The following G6PD variants were observed in gnomAD, a reference collection of about 807,000 sequenced individuals.
G6PD encodes glucose-6-phosphate 1-dehydrogenase.
Under a neutral mutation model 38.2 loss-of-function variants are expected in G6PD, and 2 were observed. The observed-to-expected ratio is 0.05, with a 90% confidence interval of 0.02 to 0.16. The LOEUF is 0.16. Ranked by LOEUF, G6PD falls within the 10% of genes least tolerant of loss-of-function variation. The pLI, the probability that G6PD is intolerant of heterozygous loss-of-function variation, is 1.00. For synonymous variants in G6PD, 188 were observed against 196.0 expected, an observed-to-expected ratio of 0.96 and a Z score of 0.34; for missense variants, 310 against 471.6, an observed-to-expected ratio of 0.66 and a Z score of 3.17.
Position 154,534,463 on chromosome X carries a change from G to A in G6PD, c.519C>T (p.Phe173=), listed in dbSNP as rs200111236. ...GWNRIIVEKP[F]GRDLQSSDRL... ...GGTCAGAGCTCTGCAGGTCCCTCCC[G>A]AAGGGCTTCTCCACGATGATGCGGT... The change falls in exon 6 of 13, where the codon TTC becomes TTT. Residue 173 remains phenylalanine, a synonymous_variant. Transcript: ENST00000393562. The A allele has an allele frequency of 5.7e-5, 69 of 1,210,235 alleles. No individual in the cohort carries two copies. In the East Asian group the frequency reaches 1.8e-3, roughly 32 times the overall value.
rs782275394 is a variant in G6PD at position 154,534,621 on chromosome X, C to A, written c.486-125G>T. ...CAGAACCTCCTCGCCCCCGTGGCCACCTCCCGTGCCTTGTGTTCCCAGATG... is the reference window on the plus strand; with the variant it reads ...CAGAACCTCCTCGCCCCCGTGGCCAACTCCCGTGCCTTGTGTTCCCAGATG... On this transcript the variant is annotated intron_variant, in intron 5 of 12. Transcript: ENST00000393562. 391 of 800,574 alleles carry A rather than the reference C, an allele frequency of 4.9e-4. 1 individual carries two copies. The highest frequency in any genetic ancestry group is 5.2e-4 in the Non-Finnish European group (290 of 560,623). The allele number at this position is 800,574 out of a possible 1,213,427, so 66.0% of individuals were successfully genotyped here.
rs1355739430 is a variant in G6PD, at chrX:154,532,645, C to T, written c.1209G>A (p.Lys403=). The change falls in exon 10 of 13, where the codon AAG becomes AAA. Residue 403 remains lysine (K), a synonymous_variant. Transcript: ENST00000393562. The stretch of plus-strand genomic sequence containing the variant: ...ACATGCCCGGCTTCTTGGTCATCAT[C>T]TTGGTGTACACGGCCTCGTTGGGCT... ...RVQPNEAVYT[K]MMTKKPGMFF... is the part of the protein sequence containing the mutation. The T allele has an allele frequency of 6.6e-6, 8 of 1,211,332 alleles. No homozygotes were observed. The highest frequency in any genetic ancestry group is 3.5e-5 in the South Asian group (2 of 56,936).
rs374078772 is a variant in G6PD, at chrX:154,536,125, G to C, written c.158+16C>G. On this transcript the variant is annotated intron_variant, in intron 3 of 12. Coordinates refer to ENST00000393562, the MANE Select transcript of G6PD (RefSeq NM_001360016.2). ...CCTGGCGGGAGGTCACAGGGGCAGT[G>C]GTGGGACACACTTACCAGATGGTGG... The C allele has an allele frequency of 8.3e-7, 1 of 1,211,020 alleles. No homozygotes were observed. The highest frequency in any genetic ancestry group is 2.2e-5 in the Admixed American group (1 of 46,111).
chrX:154,545,342 T>C (rs1263051131), intron 2 of G6PD, among the ~76,000 whole-genome samples: 1 of 112,069 alleles, frequency 8.9e-6, no homozygotes, highest in African/African-American at 3.2e-5. Context: ...TCGACGGAAC[T>C]TGAAGTGTTA....
At chrX:154,545,863 C>T in intron 2 of G6PD, 173 bp downstream of exon 2, 1 of 490,349 alleles carries the variant, frequency 2.0e-6, no homozygotes, top group East Asian at 3.8e-5. Flanking sequence ...AAAAGTCTTG[C>T]AAGTGCATAT....
At chrX:154,539,646 C>T (rs1225784936) in intron 2 of G6PD, among the ~76,000 whole-genome samples, 1 of 111,150 alleles carries the variant, frequency 9.0e-6, no homozygotes, top group African/African-American at 3.3e-5. Flanking sequence ...GATCTAGGAG[C>T]AGTTTCTGTG....
At chrX:154,538,486 C>T (rs2070436814) in intron 2 of G6PD, among the ~76,000 whole-genome samples, 2 of 112,284 alleles carry the variant, frequency 1.8e-5, no homozygotes, top group Non-Finnish European at 3.8e-5. Context: ...TCTCTGCCTA[C>T]TGCTATGTTT....
intron 4 of G6PD, 35 bp from the exon 5 acceptor site, chrX:154,535,420 T>C: frequency 8.8e-7 from 1 of 1,133,207 alleles, no homozygotes; most frequent in Non-Finnish European, 1.2e-6. Context: ...CACAGACAGA[T>C]GTCAGCCCCT....
chrX:154,532,817 G>A lies in G6PD; in HGVS notation c.1052-15C>T. 2 of 1,207,517 alleles carry A rather than the reference G, an allele frequency of 1.7e-6. No homozygotes were observed. The highest frequency in any genetic ancestry group is 2.2e-6 in the Non-Finnish European group (2 of 892,622). On this transcript the variant is annotated splice_polypyrimidine_tract_variant and intron_variant, in intron 9 of 12. Coordinates refer to ENST00000393562, the MANE Select transcript of G6PD (RefSeq NM_001360016.2). ...GAAGGGCACCCCTACGTGGCGGAAA[G>A]GGCAGCCTCAGCACCAGCTCTCTCA...
intron 2 of G6PD, 50 bp downstream of exon 2, chrX:154,545,986 T>C (rs1229868385): frequency 1.7e-6 from 2 of 1,201,642 alleles, no homozygotes; most frequent in Non-Finnish European, 2.2e-6. Flanking sequence ...AGCTGAGGCA[T>C]GGAGCAGGCA....
At chrX:154,540,395 G>A (rs1235859838) in intron 2 of G6PD, among the ~76,000 whole-genome samples, 1 of 110,546 alleles carries the variant, frequency 9.0e-6, no homozygotes, top group Non-Finnish European at 1.9e-5. Context: ...CTTGAACCTC[G>A]CAGGTGGAGA....
At chrX:154,537,990 G>GTT (rs781988750) in intron 2 of G6PD, among the ~76,000 whole-genome samples, 38 of 91,033 alleles carry the variant, frequency 4.2e-4, no homozygotes, top group East Asian at 6.6e-4. Flanking sequence ...AAATCAGGAG[G>GTT]TTTTTTTTTT....
intron 9 of G6PD, 56 bp downstream of exon 9, chrX:154,532,886 C>T (rs932381749): frequency 5.0e-6 from 6 of 1,206,241 alleles, no homozygotes; most frequent in Non-Finnish European, 4.5e-6. Context: ...AGCTCCAGTG[C>T]CCGCACACAG....
In G6PD at chrX:154,531,946, C is replaced by T. The variant is rs782082882; in HGVS notation, c.*54G>A. On this transcript the variant is annotated 3_prime_UTR_variant, in exon 13 of 13. Coordinates refer to ENST00000393562, the MANE Select transcript of G6PD (RefSeq NM_001360016.2). Reference sequence around the variant, plus strand: ...TCCCGGAGTCCTCCCGACTCGGGGTCGGGCGGCGGGAAGGAGGGTGGCCGT... The same window carrying T: ...TCCCGGAGTCCTCCCGACTCGGGGTTGGGCGGCGGGAAGGAGGGTGGCCGT... 39 of 894,355 alleles carry T rather than the reference C, an allele frequency of 4.4e-5. No individual in the cohort carries two copies. The highest frequency in any genetic ancestry group is 3.3e-4 in the South Asian group (16 of 48,542). The allele number at this position is 894,355 out of a possible 1,213,427, so 73.7% of individuals were successfully genotyped here. A position where few individuals can be genotyped will look rare whatever the true frequency, so the allele number is the denominator to read the frequency against.
chrX:154,531,896 A>C lies in G6PD; in HGVS notation c.*104T>G. The stretch of plus-strand genomic sequence containing the variant: ...GCCAGGGTGGCCAGAGCCCGGGGCC[A>C]GGAATGTGCAGCTGAGGTCAATGGT... On this transcript the variant is annotated 3_prime_UTR_variant, in exon 13 of 13. Transcript: ENST00000393562. 1 of 1,122,256 alleles carries C rather than the reference A, an allele frequency of 8.9e-7. No individual in the cohort carries two copies. The highest frequency in any genetic ancestry group is 2.1e-5 in the South Asian group (1 of 48,737). The allele number at this position is 1,122,256 out of a possible 1,213,427, so 92.5% of individuals were successfully genotyped here. A position where few individuals can be genotyped will look rare whatever the true frequency, so the allele number is the denominator to read the frequency against.
chrX:154,537,964 G>A (rs1334802145), intron 2 of G6PD, among the ~76,000 whole-genome samples: 3 of 109,590 alleles, frequency 2.7e-5, no homozygotes, highest in Non-Finnish European at 5.7e-5. Context: ...GACCAAGGTG[G>A]GAGGAAGATT....
At position 154,531,947 on chromosome X, in the gene G6PD, GGGC is replaced by G; in HGVS notation, c.*50_*52del. 8.4e-7 allele frequency: 1 copy of G among 1,186,054 alleles called. No individual in the cohort carries two copies. The highest frequency in any genetic ancestry group is 1.1e-6 in the Non-Finnish European group (1 of 882,413). On this transcript the variant is annotated 3_prime_UTR_variant, in exon 13 of 13. Transcript: ENST00000393562. ...CCCGGAGTCCTCCCGACTCGGGGTC[GGGC>G]GGCGGGAAGGAGGGTGGCCGTGGCG...
upstream of G6PD, chrX:154,546,906 A>G (rs1250170606): frequency 2.3e-5 from 19 of 818,637 alleles, no homozygotes; most frequent in African/African-American, 2.2e-4. Context: ...GCCTGGGCTG[A>G]GCGGACCCGC....
At chrX:154,545,570 C>G (rs1557232994) in intron 2 of G6PD, among the ~76,000 whole-genome samples, 1 of 111,893 alleles carries the variant, frequency 8.9e-6, no homozygotes, top group Admixed American at 9.5e-5. Flanking sequence ...CGTGGTGGCT[C>G]ATGCCTGTCA....
Sources: allele counts gnomAD v4.1 joint callset (sites outside exome capture counted in the v4.1 genomes callset), GRCh38; gene constraint gnomAD v4.1.1; transcripts MANE v1.5; gene names NCBI Gene and HGNC (gene_info 2026-07-23, HGNC 2026-07-21).